The following UFM1 variants were observed in gnomAD, a reference collection of about 807,000 sequenced individuals.
UFM1 encodes the protein ubiquitin fold modifier 1.
In UFM1, 9 loss-of-function variants were observed where a neutral mutation model predicts 15.4. The observed-to-expected ratio is 0.59, with a 90% CI of 0.35 to 1.02. The LOEUF (loss-of-function observed/expected upper bound fraction) is 1.02. Ranked by LOEUF, UFM1 falls within the 50% of genes least tolerant of loss-of-function variation. The probability of loss-of-function intolerance (pLI) is 0.02; values close to 1 mark genes in which losing one functional copy is unlikely to be tolerated. For synonymous variants in UFM1, 27 were observed against 36.3 expected, an observed-to-expected ratio of 0.74 and a Z score of 0.92; for missense variants, 98 against 104.7, an observed-to-expected ratio of 0.94 and a Z score of 0.28.
chr13:38,358,928 ATGACCT>A (rs1879248730), intron 4 of UFM1, among the ~76,000 whole-genome samples: 1 of 152,082 alleles, frequency 6.6e-6, no homozygotes, highest in South Asian at 2.1e-4. Context: ...TTAAGATATT[ATGACCT>A]AGAACAATAC....
Position 38,358,146 on chromosome 13 carries a change from A to G in UFM1, c.157+14A>G, listed in dbSNP as rs763840216. On this transcript the variant is annotated intron_variant, in intron 4 of 5. Transcript: ENST00000239878. Reference sequence around the variant, plus strand: ...TTATTACCAATGGTAAGAATTCACTATAAAATTATGTATTACCTCAAATTT... The same window carrying G: ...TTATTACCAATGGTAAGAATTCACTGTAAAATTATGTATTACCTCAAATTT... 2.1e-6 allele frequency: 3 copies of G among 1,443,492 alleles called. No individual in the cohort carries two copies. Among genetic ancestry groups the G allele is most frequent in the African/African-American group, 2.9e-5 (2 of 68,272 alleles). 89.4% of individuals were successfully genotyped at this position (1,443,492 alleles called of 1,614,324 possible). A position where few individuals can be genotyped will look rare whatever the true frequency, so the allele number is the denominator to read the frequency against.
At chr13:38,350,091 G>A (rs1486001279) in intron 2 of UFM1, 36 bp downstream of exon 2, 4 of 1,614,212 alleles carry the variant, frequency 2.5e-6, no homozygotes, top group Admixed American at 1.7e-5. Flanking sequence ...TTTTGGGGCC[G>A]GACAAGACGG....
At chr13:38,359,451 AG>A (rs2140061688) in intron 5 of UFM1, 118 bp downstream of exon 5, 1 of 1,118,188 alleles carries the variant, frequency 8.9e-7, no homozygotes, top group East Asian at 2.4e-5. Flanking sequence ...GCTGTTTTTT[AG>A]GGATTATATA....
chr13:38,350,528 G>A (rs1048818440), intron 2 of UFM1, among the ~76,000 whole-genome samples: 2 of 152,140 alleles, frequency 1.3e-5, no homozygotes, highest in African/African-American at 2.4e-5. Flanking sequence ...TCTGAGTTTC[G>A]TTGTGTATGA....
intron 5 of UFM1, chr13:38,360,028 G>A: frequency 2.6e-6 from 1 of 379,830 alleles, no homozygotes; most frequent in Non-Finnish European, 5.2e-6. Flanking sequence ...ACAAAATTAT[G>A]TTGTTTTCAC....
rs1057070531 is a variant in UFM1, at chr13:38,357,463, A to G, written c.118-630A>G. On this transcript the variant is annotated intron_variant, in intron 3 of 5. Transcript: ENST00000239878. Reference sequence around the variant, plus strand: ...AATGTATAATATAAGGTACACTTTTATAATTAATGGTGTCCTAAATACAAT... The same window carrying G: ...AATGTATAATATAAGGTACACTTTTGTAATTAATGGTGTCCTAAATACAAT... Among the ~76,000 whole-genome samples the G allele has an allele frequency of 3.3e-5, 5 of 151,806 alleles. No individual in the cohort carries two copies. In the South Asian group the frequency reaches 8.3e-4, roughly 25 times the overall value.
Position 38,354,369 on chromosome 13 carries a change from C to G in UFM1, c.117+73C>G, listed in dbSNP as rs182883932. On this transcript the variant is annotated intron_variant, in intron 3 of 5. Transcript: ENST00000239878. ...ATGCTTCAAATGTCTTTAAGAGTTG[C>G]ATGCACTTTGACCCATCATTTCCAT... The G allele has an allele frequency of 7.6e-5, 104 of 1,373,024 alleles. No individual in the cohort carries two copies. The African/African-American group carries it at 1.4e-3, about 18-fold the overall frequency. The allele number at this position is 1,373,024 out of a possible 1,614,324, so 85.1% of individuals were successfully genotyped here. A position where few individuals can be genotyped will look rare whatever the true frequency, so the allele number is the denominator to read the frequency against.
chr13:38,358,193 C>T, intron 4 of UFM1, 61 bp downstream of exon 4: 1 of 1,081,910 alleles, frequency 9.2e-7, no homozygotes, highest in Middle Eastern at 2.2e-4. Flanking sequence ...GTAAAAGGAA[C>T]CAAATTAATT....
intron 5 of UFM1, among the ~76,000 whole-genome samples, chr13:38,360,387 A>G (rs1879315168): frequency 1.3e-5 from 2 of 151,934 alleles, no homozygotes; most frequent in South Asian, 2.1e-4. Flanking sequence ...ACTTGTAGTA[A>G]TTTACATTTT....
In UFM1 at chr13:38,358,344, T is replaced by G. The variant is rs114980188; in HGVS notation, c.157+212T>G. On this transcript the variant is annotated intron_variant, in intron 4 of 5. Coordinates refer to ENST00000239878, the MANE Select transcript of UFM1 (RefSeq NM_016617.4). Reference sequence around the variant, plus strand: ...TAGCTTTTGATATAGTATAGCACTTTATAATATCTTTTGTCCTTACCAGTT... The same window carrying G: ...TAGCTTTTGATATAGTATAGCACTTGATAATATCTTTTGTCCTTACCAGTT... Among the ~76,000 whole-genome samples, 1,360 of 151,958 alleles carry G rather than the reference T, an allele frequency of 8.9e-3. 21 individuals are homozygous for G. Among genetic ancestry groups the G allele is most frequent in the African/African-American group, 0.032 (1,309 of 41,528 alleles).
At chr13:38,354,516 A>G (rs1879008164) in intron 3 of UFM1, 1 of 380,378 alleles carries the variant, frequency 2.6e-6, no homozygotes, top group African/African-American at 2.1e-5. Flanking sequence ...ATTGAAAATT[A>G]TAAGAATTTA....
In UFM1 at chr13:38,360,992, A is replaced by G. The variant is rs1400391451; in HGVS notation, c.*214A>G. 1.7e-5 allele frequency: 7 copies of G among 408,302 alleles called. No homozygotes were observed. The highest frequency in any genetic ancestry group is 1.0e-4 in the African/African-American group (5 of 48,618). 25.3% of individuals were successfully genotyped at this position (408,302 alleles called of 1,614,324 possible). ...GGCTACTACTGTCACAGAAGATCAT[A>G]GTCTTTGATGCTACCTCACAACACA... is the stretch of plus-strand genomic sequence containing the variant. On this transcript the variant is annotated 3_prime_UTR_variant, in exon 6 of 6. Coordinates refer to ENST00000239878, the MANE Select transcript of UFM1 (RefSeq NM_016617.4).
intron 2 of UFM1, among the ~76,000 whole-genome samples, chr13:38,352,554 TTAATG>T (rs1878910565): frequency 6.6e-6 from 1 of 152,210 alleles, no homozygotes; most frequent in African/African-American, 2.4e-5. Flanking sequence ...AAAATTCTCA[TTAATG>T]TAAATTTATT....
At position 38,349,874 on chromosome 13, in the gene UFM1, A is replaced by AC. The variant is rs1179618417; in HGVS notation, c.-41dup. On this transcript the variant is annotated 5_prime_UTR_variant, in exon 1 of 6. Transcript: ENST00000239878. ...CCAGCACACTAGAGGAAGTCGTGCT[A>AC]CCCCCGCGGAGTTGTCGTGTGTTCT... 4 of 1,613,988 alleles carry AC rather than the reference A, an allele frequency of 2.5e-6. No individual in the cohort carries two copies. The highest frequency in any genetic ancestry group is 2.2e-5 in the South Asian group (2 of 91,076).
intron 2 of UFM1, among the ~76,000 whole-genome samples, chr13:38,351,584 A>G (rs1878851816): frequency 1.3e-5 from 2 of 152,256 alleles, no homozygotes; most frequent in African/African-American, 4.8e-5. Flanking sequence ...GTTCCCATCT[A>G]TTTCAGTCTT....
intron 4 of UFM1, 81 bp from the exon 5 acceptor site, chr13:38,359,220 T>C (rs529922941): frequency 1.5e-6 from 2 of 1,347,446 alleles, no homozygotes; most frequent in Non-Finnish European, 2.1e-6. Flanking sequence ...CAGCACTATT[T>C]TGGCAAATCT....
chr13:38,354,683 C>T (rs1456558308), intron 3 of UFM1: 1 of 156,762 alleles, frequency 6.4e-6, no homozygotes, highest in Non-Finnish European at 1.4e-5. Context: ...TCATAGTTTT[C>T]AAATTTTCTA....
Position 38,349,863 on chromosome 13 carries a change from G to A in UFM1, c.-57G>A, listed in dbSNP as rs969951211. 7 of 1,613,922 alleles carry A rather than the reference G, an allele frequency of 4.3e-6. No homozygotes were observed. Among genetic ancestry groups the A allele is most frequent in the Admixed American group, 1.7e-5 (1 of 59,994 alleles). On this transcript the variant is annotated 5_prime_UTR_variant, in exon 1 of 6. Coordinates refer to ENST00000239878, the MANE Select transcript of UFM1 (RefSeq NM_016617.4). Reference sequence around the variant, plus strand: ...CGGGGCGGTCCCCAGCACACTAGAGGAAGTCGTGCTACCCCCGCGGAGTTG... The same window carrying A: ...CGGGGCGGTCCCCAGCACACTAGAGAAAGTCGTGCTACCCCCGCGGAGTTG...
chr13:38,353,783 T>C (rs2140053652), intron 2 of UFM1, among the ~76,000 whole-genome samples: 1 of 152,238 alleles, frequency 6.6e-6, no homozygotes, highest in South Asian at 2.1e-4. Context: ...TCAAAAGCTT[T>C]ATGATCCAGT....
Sources: gnomAD v4.1 joint callset for allele counts (sites outside exome capture counted in the v4.1 genomes callset) on GRCh38, gnomAD v4.1.1 for gene constraint, MANE v1.5 for transcripts, NCBI Gene and HGNC (gene_info 2026-07-23, HGNC 2026-07-21) for gene names.